Variants in HPGD observed in about 807,000 individuals in gnomAD.
The protein encoded by HPGD is 15-hydroxyprostaglandin dehydrogenase [NAD(+)].
A neutral mutation model predicts 30.0 loss-of-function variants in HPGD; 29 were observed. The observed-to-expected ratio is 0.97, with a 90% CI of 0.72 to 1.32. The LOEUF is 1.32. Among genes scored for constraint, HPGD ranks in the 40% most tolerant of loss-of-function variants. HPGD has a pLI of 0.00. For synonymous variants in HPGD, 99 were observed against 112.4 expected (o/e 0.88, Z 0.75); for missense variants, 340 against 322.1 (o/e 1.06, Z -0.43).
intron 4 of HPGD, among the ~76,000 whole-genome samples, chr4:174,504,785 C>T (rs1713188976): frequency 6.6e-6 from 1 of 151,770 alleles, no homozygotes; most frequent in African/African-American, 2.4e-5. Flanking sequence ...TGCACTCCAG[C>T]CTGGGTGACA....
At chr4:174,506,091 T>C (rs11133042) in intron 4 of HPGD, among the ~76,000 whole-genome samples, 108,640 of 152,054 alleles carry the variant, frequency 0.71, 39,723 homozygotes, top group East Asian at 0.86. Context: ...GATTAACACC[T>C]GGGGTTGGCG....
intron 4 of HPGD, among the ~76,000 whole-genome samples, chr4:174,498,303 A>G (rs1734739005): frequency 6.7e-6 from 1 of 149,450 alleles, no homozygotes; most frequent in African/African-American, 2.5e-5. Flanking sequence ...ACATTCAGAA[A>G]CCAAGTTTCC....
chr4:174,497,564 C>CTTTTTTTTTTTTTTTTTTTTTTT (rs1560976871), intron 4 of HPGD, among the ~76,000 whole-genome samples: 3 of 14,226 alleles, frequency 2.1e-4, no homozygotes, highest in African/African-American at 3.4e-4. Context: ...CTTTCTTTTT[C>CTTTTTTTTTTTTTTTTTTTTTTT]TTTCTTTTTT....
intron 3 of HPGD, among the ~76,000 whole-genome samples, chr4:174,513,918 A>G (rs982487031): frequency 6.6e-6 from 1 of 152,082 alleles, no homozygotes; most frequent in Non-Finnish European, 1.5e-5. Context: ...TATAATATAT[A>G]GAGTCTAAAC....
upstream of HPGD, chr4:174,522,686 G>T (rs886059257): frequency 1.1e-5 from 5 of 459,698 alleles, no homozygotes; most frequent in Non-Finnish European, 1.9e-5. Flanking sequence ...CTCGCAGACC[G>T]GCTCAAAGCC....
At chr4:174,521,871 T>TG in intron 2 of HPGD, 73 bp downstream of exon 2, 1 of 1,595,590 alleles carries the variant, frequency 6.3e-7, no homozygotes, top group South Asian at 1.1e-5. Context: ...CAGGGCCCCC[T>TG]GGCCGGGCTG....
intron 4 of HPGD, among the ~76,000 whole-genome samples, chr4:174,504,398 A>T (rs182138481): frequency 2.6e-5 from 4 of 152,226 alleles, no homozygotes; most frequent in South Asian, 4.1e-4. Context: ...TCTCTCACAA[A>T]ATGCTACTGA....
chr4:174,498,938 G>A (rs966941024), intron 4 of HPGD, among the ~76,000 whole-genome samples: 2 of 152,080 alleles, frequency 1.3e-5, no homozygotes, highest in African/African-American at 4.8e-5. Flanking sequence ...TTTTAGTTGG[G>A]GGTGGACATT....
At position 174,522,366 on chromosome 4, in the gene HPGD, C is replaced by A; in HGVS notation, c.86G>T (p.Gly29Val). 1 of 1,565,002 alleles carries A rather than the reference C, an allele frequency of 6.4e-7. No homozygotes were observed. Among genetic ancestry groups the A allele is most frequent in the Non-Finnish European group, 8.7e-7 (1 of 1,154,994 alleles). Residue 29 changes from glycine (G) to valine (V), a missense_variant, in exon 1 of 7, where the codon GGC becomes GTC. Physicochemically the swap from Gly to Val is moderately radical, Grantham distance 109 (BLOSUM62 -3). Transcript: ENST00000296522. ...GCTGGGCGCCGGGCTTACCTTGGCG[C>A]CCTTAAGCAGCAGCGCCTCTGCAAA... ...RAFAEALLLK[G>V]AKVALVDWNL... is the part of the protein sequence containing the mutation.
At chr4:174,493,606 A>T (rs1408482372) in intron 5 of HPGD, 1 of 289,436 alleles carries the variant, frequency 3.5e-6, no homozygotes, top group Non-Finnish European at 6.6e-6. Flanking sequence ...AGGAGCCTGA[A>T]GCTAAGTAGC....
At chr4:174,502,416 C>T (rs753103920) in intron 4 of HPGD, among the ~76,000 whole-genome samples, 1 of 151,876 alleles carries the variant, frequency 6.6e-6, no homozygotes, top group African/African-American at 2.4e-5. Flanking sequence ...CGGTGGCTGA[C>T]GCCTGTAATC....
rs571172747 is a variant in HPGD at position 174,491,566 on chromosome 4, T to A, written c.*390A>T. The A allele has an allele frequency of 5.3e-6, 1 of 187,074 alleles. No homozygotes were observed. The highest frequency in any genetic ancestry group is 1.1e-5 in the Non-Finnish European group (1 of 88,482). The allele number at this position is 187,074 out of a possible 1,614,324, so 11.6% of individuals were successfully genotyped here. A position where few individuals can be genotyped will look rare whatever the true frequency, so the allele number is the denominator to read the frequency against. ...TCCTCTTTTAAAGTATGAACTTGTA[T>A]GTGAGTGTTTTACATCTGGTTTGAT... On this transcript the variant is annotated 3_prime_UTR_variant, in exon 7 of 7. Transcript: ENST00000296522.
At chr4:174,509,558 A>C (rs938808174) in intron 3 of HPGD, among the ~76,000 whole-genome samples, 1 of 152,168 alleles carries the variant, frequency 6.6e-6, no homozygotes, top group African/African-American at 2.4e-5. Context: ...AAATGGTTAC[A>C]TTGCCTGCTT....
intron 4 of HPGD, 140 bp from the exon 5 acceptor site, chr4:174,495,764 T>G: frequency 1.4e-6 from 1 of 708,488 alleles, no homozygotes; most frequent in African/African-American, 1.8e-5. Flanking sequence ...TAAAACCAGA[T>G]AGCTTTGTGA....
chr4:174,496,395 AG>A lies in HPGD; in HGVS notation c.422-772del, dbSNP rs1734598479. Among the ~76,000 whole-genome samples, 1 of 152,198 alleles carries A rather than the reference AG, an allele frequency of 6.6e-6. No homozygotes were observed. Among genetic ancestry groups the A allele is most frequent in the African/African-American group, 2.4e-5 (1 of 41,452 alleles). Reference sequence around the variant, plus strand: ...AAAAAACAGTATAGCATATACCTATAGCATCTCTTCTCCCCCAACTCCAGCC... The same window carrying A: ...AAAAAACAGTATAGCATATACCTATACATCTCTTCTCCCCCAACTCCAGCC... On this transcript the variant is annotated intron_variant, in intron 4 of 6. Transcript: ENST00000296522. The surrounding 1 kb of genome is among the most constrained non-coding windows in gnomAD (Gnocchi z 4.6).
At chr4:174,519,755 A>G (rs538408858) in intron 2 of HPGD, among the ~76,000 whole-genome samples, 2 of 152,208 alleles carry the variant, frequency 1.3e-5, no homozygotes, top group South Asian at 2.1e-4. Flanking sequence ...CTTATAAAAT[A>G]GCCCCACCCC....
In HPGD at chr4:174,518,515, C is replaced by T. The variant is rs143459773; in HGVS notation, c.218-438G>A. ...GTAGCTTAGACTATTGGTAAACATC[C>T]TTTTCCATAAGCCATATTAAATTCA... is the stretch of plus-strand genomic sequence containing the variant. On this transcript the variant is annotated intron_variant, in intron 2 of 6. Transcript: ENST00000296522. Among the ~76,000 whole-genome samples, 309 of 152,240 alleles carry T rather than the reference C, an allele frequency of 2.0e-3. 2 individuals are homozygous for T. The highest frequency in any genetic ancestry group is 7.1e-3 in the African/African-American group (293 of 41,548).
rs1405972333 is a variant in HPGD, at chr4:174,502,627, G to A, written c.421+6069C>T. On this transcript the variant is annotated intron_variant, in intron 4 of 6. Transcript: ENST00000296522. Reference sequence around the variant, plus strand: ...CGAAAGGCGGAGCTTGCAGTGAGCCGAGATTGCGCCACCGCACTCCAGCCT... The same window carrying A: ...CGAAAGGCGGAGCTTGCAGTGAGCCAAGATTGCGCCACCGCACTCCAGCCT... Among the ~76,000 whole-genome samples the A allele has an allele frequency of 3.1e-5, 4 of 130,564 alleles. No individual in the cohort carries two copies. In the East Asian group the frequency reaches 7.6e-4, roughly 25 times the overall value. 85.7% of individuals were successfully genotyped at this position (130,564 alleles called of 152,430 possible). A position where few individuals can be genotyped will look rare whatever the true frequency, so the allele number is the denominator to read the frequency against.
chr4:174,500,258 C>G (rs975382183), intron 4 of HPGD, among the ~76,000 whole-genome samples: 6 of 152,182 alleles, frequency 3.9e-5, no homozygotes, highest in Non-Finnish European at 5.9e-5. Context: ...GCTGAAGACA[C>G]CAAATACTGA....
Sources: allele counts gnomAD v4.1 joint callset (sites outside exome capture counted in the v4.1 genomes callset), GRCh38; gene constraint gnomAD v4.1.1; non-coding constraint Gnocchi (gnomAD v3.1); transcripts MANE v1.5; gene names NCBI Gene and HGNC (gene_info 2026-07-23, HGNC 2026-07-21).